DHRSX: variants seen among roughly 807,000 people sequenced by gnomAD.
DHRSX encodes the protein dehydrogenase/reductase X-linked, also known as polyprenol dehydrogenase.
Under a neutral mutation model 34.0 loss-of-function variants are expected in DHRSX, and 31 were observed. That is an observed-to-expected ratio of 0.91 (90% CI 0.69 to 1.23). The LOEUF is 1.23. Among genes scored for constraint, DHRSX ranks in the 50% most tolerant of loss-of-function variants. The probability of loss-of-function intolerance (pLI) is 0.00; values close to 1 mark genes in which losing one functional copy is unlikely to be tolerated. For synonymous variants in DHRSX, 201 were observed against 183.8 expected (o/e 1.09, Z -0.76); for missense variants, 414 against 428.1 (o/e 0.97, Z 0.29).
At chrX:2,371,666 A>G (rs1569494796) in intron 3 of DHRSX, among the ~76,000 whole-genome samples, 1 of 147,204 alleles carries the variant, frequency 6.8e-6, no homozygotes, top group Admixed American at 6.8e-5. Flanking sequence ...CCCTTACCAT[A>G]GTCCCTCCTC....
At chrX:2,243,472 C>T (rs1282438788) in intron 5 of DHRSX, among the ~76,000 whole-genome samples, 1 of 151,988 alleles carries the variant, frequency 6.6e-6, no homozygotes, top group Admixed American at 6.6e-5. Context: ...AATTATGTTA[C>T]TAATTTTTTA....
chrX:2,383,349 C>T (rs1289183114), intron 3 of DHRSX, among the ~76,000 whole-genome samples: 1 of 151,936 alleles, frequency 6.6e-6, no homozygotes, highest in Non-Finnish European at 1.5e-5. Flanking sequence ...ATCACATCAG[C>T]AGCAGCAGCA....
At chrX:2,266,703 T>G in intron 5 of DHRSX, 37 bp downstream of exon 5, 206 of 1,580,772 alleles carry the variant, frequency 1.3e-4, no homozygotes, top group Non-Finnish European at 1.7e-4. Context: ...TTAACCCACC[T>G]GAGATGCTGT....
intron 4 of DHRSX, among the ~76,000 whole-genome samples, chrX:2,273,263 G>A (rs2041581850): frequency 6.6e-6 from 1 of 152,160 alleles, no homozygotes; most frequent in East Asian, 1.9e-4. Flanking sequence ...GCACCTGTCT[G>A]TTTCTTGCAG....
chrX:2,382,371 A>G (rs2043212484), intron 3 of DHRSX, among the ~76,000 whole-genome samples: 1 of 152,198 alleles, frequency 6.6e-6, no homozygotes, highest in South Asian at 2.1e-4. Context: ...CAGATAGTCA[A>G]GTAGAGCAAG....
chrX:2,372,199 A>T (rs1160718342), intron 3 of DHRSX, among the ~76,000 whole-genome samples: 1 of 152,176 alleles, frequency 6.6e-6, no homozygotes, highest in Non-Finnish European at 1.5e-5. Context: ...CAGTCAACGT[A>T]TCCTTACCAG....
Position 2,374,603 on chromosome X carries a change from G to A in DHRSX, c.286+34142C>T, listed in dbSNP as rs774998898. Among the ~76,000 whole-genome samples, 19 of 137,020 alleles carry A rather than the reference G, an allele frequency of 1.4e-4. 5 individuals are homozygous for A. The highest frequency in any genetic ancestry group is 2.9e-4 in the Non-Finnish European group (17 of 58,032). The allele number at this position is 137,020 out of a possible 152,430, so 89.9% of individuals were successfully genotyped here. A position where few individuals can be genotyped will look rare whatever the true frequency, so the allele number is the denominator to read the frequency against. ...AAAATACAAAAATTAGCCAGGCATAGTGGTACATGCCTGTAATCCCAGCTA... is the reference window on the plus strand; with the variant it reads ...AAAATACAAAAATTAGCCAGGCATAATGGTACATGCCTGTAATCCCAGCTA... On this transcript the variant is annotated intron_variant, in intron 3 of 6. Coordinates refer to ENST00000334651, the MANE Select transcript of DHRSX (RefSeq NM_145177.3).
At chrX:2,443,265 T>G (rs183031955) in intron 1 of DHRSX, among the ~76,000 whole-genome samples, 1 of 151,868 alleles carries the variant, frequency 6.6e-6, no homozygotes, top group Non-Finnish European at 1.5e-5. Context: ...ACTCCTGGAC[T>G]CAAGTGATTT....
chrX:2,268,507 T>G (rs911310691), intron 4 of DHRSX, among the ~76,000 whole-genome samples: 1 of 152,246 alleles, frequency 6.6e-6, no homozygotes, highest in African/African-American at 2.4e-5. Context: ...ACTGCATGTA[T>G]GCATAATTCA....
At chrX:2,301,653 G>C (rs1293432465) in intron 3 of DHRSX, among the ~76,000 whole-genome samples, 1 of 151,942 alleles carries the variant, frequency 6.6e-6, no homozygotes, top group Non-Finnish European at 1.5e-5. Context: ...TGTTGTTGTT[G>C]TTTGAGATGG....
At chrX:2,459,311 T>C (rs1202695539) in intron 1 of DHRSX, among the ~76,000 whole-genome samples, 2 of 151,648 alleles carry the variant, frequency 1.3e-5, no homozygotes, top group South Asian at 2.1e-4. Context: ...TGAGGTGATA[T>C]AGGTTAGAGT....
At chrX:2,264,872 G>A (rs2041424152) in intron 5 of DHRSX, among the ~76,000 whole-genome samples, 1 of 150,502 alleles carries the variant, frequency 6.6e-6, no homozygotes, top group South Asian at 2.1e-4. Flanking sequence ...GATGCAGGGA[G>A]CACTATGCCG....
intron 3 of DHRSX, among the ~76,000 whole-genome samples, chrX:2,382,344 G>A (rs1247910254): frequency 6.6e-6 from 1 of 152,148 alleles, no homozygotes; most frequent in Non-Finnish European, 1.5e-5. Context: ...TTGGGAGGAA[G>A]GACACAGAAC....
intron 4 of DHRSX, among the ~76,000 whole-genome samples, chrX:2,282,831 A>AGAAT (rs1165209903): frequency 3.1e-5 from 3 of 95,484 alleles, no homozygotes; most frequent in African/African-American, 8.8e-5. Context: ...AGGGAGAGAG[A>AGAAT]GGGAGAAAGG....
chrX:2,289,647 T>C (rs73185750), intron 4 of DHRSX, among the ~76,000 whole-genome samples: 4,445 of 152,294 alleles, frequency 0.029, 104 homozygotes, highest in Admixed American at 0.07. Flanking sequence ...TCGGGTCGTG[T>C]AGGATCTCCA....
chrX:2,499,508 T>C (rs1287558595), intron 1 of DHRSX, among the ~76,000 whole-genome samples: 2 of 152,240 alleles, frequency 1.3e-5, no homozygotes, highest in African/African-American at 4.8e-5. Context: ...AGTGGCGCTC[T>C]GTCTGTAATC....
chrX:2,364,314 A>C (rs1256130391), intron 3 of DHRSX, among the ~76,000 whole-genome samples: 1 of 152,126 alleles, frequency 6.6e-6, no homozygotes, highest in East Asian at 1.9e-4. Context: ...TAGTGGGTAC[A>C]TCCATGTCAA....
At chrX:2,260,915 A>G (rs952575691) in intron 5 of DHRSX, among the ~76,000 whole-genome samples, 3 of 152,032 alleles carry the variant, frequency 2.0e-5, no homozygotes, top group African/African-American at 7.2e-5. Flanking sequence ...CTCTTCAGAT[A>G]AGAGTTAATG....
intron 5 of DHRSX, among the ~76,000 whole-genome samples, chrX:2,244,015 C>A (rs2016220322): frequency 6.6e-6 from 1 of 151,810 alleles, no homozygotes; most frequent in African/African-American, 2.4e-5. Context: ...GGGTGATCCA[C>A]CCTCCTTGGC....
Sources: allele counts gnomAD v4.1 joint callset (sites outside exome capture counted in the v4.1 genomes callset), GRCh38; gene constraint gnomAD v4.1.1; transcripts MANE v1.5; gene names NCBI Gene and HGNC (gene_info 2026-07-23, HGNC 2026-07-21).